Variants in TPRG1 observed in about 807,000 individuals in gnomAD.
TPRG1 encodes tumor protein p63 regulated 1, also known as tumor protein p63-regulated gene 1 protein.
A neutral mutation model predicts 29.3 loss-of-function variants in TPRG1; 29 were observed. The observed-to-expected ratio is 0.99, with a 90% CI of 0.74 to 1.35. TPRG1 has a LOEUF of 1.35. Ranked by LOEUF, TPRG1 falls within the 40% of genes most tolerant of loss-of-function variation. The pLI is 0.00. For synonymous variants in TPRG1, 130 were observed against 116.8 expected, an observed-to-expected ratio of 1.11 and a Z score of -0.73; for missense variants, 327 against 335.0, an observed-to-expected ratio of 0.98 and a Z score of 0.19.
At chr3:189,295,281 G>C (rs1342468929) in intron 4 of TPRG1, among the ~76,000 whole-genome samples, 1 of 152,074 alleles carries the variant, frequency 6.6e-6, no homozygotes, top group Non-Finnish European at 1.5e-5. Flanking sequence ...TGAATGCAGA[G>C]GCATTTCCTT....
chr3:189,299,162 C>T (rs193187152), intron 4 of TPRG1, among the ~76,000 whole-genome samples: 266 of 151,218 alleles, frequency 1.8e-3, no homozygotes, highest in African/African-American at 6.1e-3. Flanking sequence ...AGAGGAGAGA[C>T]AAAAATTTAC....
chr3:189,262,914 G>A (rs991907381), intron 4 of TPRG1, among the ~76,000 whole-genome samples: 1 of 152,244 alleles, frequency 6.6e-6, no homozygotes, highest in Admixed American at 6.5e-5. Context: ...TGCCATGTGG[G>A]CCTTTCCGTG....
intron 3 of TPRG1, among the ~76,000 whole-genome samples, chr3:189,147,159 G>A (rs1457494662): frequency 6.6e-6 from 1 of 152,212 alleles, no homozygotes; most frequent in African/African-American, 2.4e-5. Context: ...ATCTACAGAA[G>A]GAAGAGGAGG....
intron 3 of TPRG1, among the ~76,000 whole-genome samples, chr3:189,233,602 C>T (rs946713973): frequency 9.9e-5 from 15 of 152,256 alleles, no homozygotes; most frequent in Admixed American, 2.6e-4. Context: ...CCAGGGAAGA[C>T]GGGCTCTCAC....
intron 4 of TPRG1, among the ~76,000 whole-genome samples, chr3:189,277,156 T>C (rs930100215): frequency 1.3e-5 from 2 of 152,308 alleles, no homozygotes; most frequent in Admixed American, 1.3e-4. Context: ...GCCATGTGGC[T>C]TTCTGCCCAA....
chr3:189,120,207 C>A (rs143744525), intron 1 of TPRG1: 5 of 152,144 alleles, frequency 3.3e-5, no homozygotes, highest in Non-Finnish European at 7.3e-5. Flanking sequence ...GCTTAACTGG[C>A]TCAAAATAGA....
At chr3:189,215,490 CATAAG>C (rs1735933277) in intron 3 of TPRG1, 107 bp downstream of exon 3, 3 of 939,236 alleles carry the variant, frequency 3.2e-6, no homozygotes, top group East Asian at 2.6e-5. Flanking sequence ...CTGGTTGCTA[CATAAG>C]ATAAATGATT....
At chr3:189,162,967 G>A (rs914632469) in intron 5 of TPRG1, among the ~76,000 whole-genome samples, 42 of 152,158 alleles carry the variant, frequency 2.8e-4, no homozygotes, top group Non-Finnish European at 1.3e-4. Context: ...TAAAACACAA[G>A]TTGATTTAAC....
At chr3:189,198,719 C>T (rs1732969399) in intron 1 of TPRG1, among the ~76,000 whole-genome samples, 1 of 152,164 alleles carries the variant, frequency 6.6e-6, no homozygotes. Flanking sequence ...ACAGTTCCTG[C>T]TCTGGAATTG....
rs1722330792 is a variant in TPRG1 at position 189,310,617 on chromosome 3, A to T, written c.633+78A>T. 4.1e-6 allele frequency: 3 copies of T among 738,424 alleles called. No individual in the cohort carries two copies. In the African/African-American group the frequency reaches 6.5e-5, roughly 16 times the overall value. 45.7% of individuals were successfully genotyped at this position (738,424 alleles called of 1,614,324 possible). A position where few individuals can be genotyped will look rare whatever the true frequency, so the allele number is the denominator to read the frequency against. On this transcript the variant is annotated intron_variant, in intron 5 of 5. Coordinates refer to ENST00000345063, the MANE Select transcript of TPRG1 (RefSeq NM_198485.4). ...GTGCTTCTAGGGACGTGTACTCCTA[A>T]ACAAAACAAAATAAAATAAAATAAA...
intron 1 of TPRG1, among the ~76,000 whole-genome samples, chr3:189,119,441 G>A (rs984490977): frequency 3.3e-5 from 5 of 152,202 alleles, no homozygotes; most frequent in African/African-American, 7.2e-5. Flanking sequence ...GACTGTTGGA[G>A]GGGCACGATT....
At chr3:189,124,666 C>T (rs946380286) in intron 1 of TPRG1, among the ~76,000 whole-genome samples, 36 of 152,154 alleles carry the variant, frequency 2.4e-4, no homozygotes, top group Admixed American at 1.8e-3. Context: ...ATGTCCTCTC[C>T]ACTTTATGTA....
intron 4 of TPRG1, among the ~76,000 whole-genome samples, chr3:189,071,839 G>A (rs1050706263): frequency 6.6e-6 from 1 of 152,176 alleles, no homozygotes; most frequent in Non-Finnish European, 1.5e-5. Context: ...TAGCTTGTGT[G>A]TTCACTTCAA....
At chr3:189,223,298 G>T (rs1352332214) in intron 3 of TPRG1, among the ~76,000 whole-genome samples, 1 of 152,190 alleles carries the variant, frequency 6.6e-6, no homozygotes, top group Non-Finnish European at 1.5e-5. Flanking sequence ...AGCCCAGTAA[G>T]ACTTGCCTCT....
Position 189,203,021 on chromosome 3 carries a change from T to C in TPRG1, c.-9-4355T>C, listed in dbSNP as rs1403408208. ...TGCATGTTTTCATTCTATGGAGCTGTGTGGCCATGGACAACCCTCATTTCA... is the reference window on the plus strand; with the variant it reads ...TGCATGTTTTCATTCTATGGAGCTGCGTGGCCATGGACAACCCTCATTTCA... On this transcript the variant is annotated intron_variant, in intron 1 of 5. Transcript: ENST00000345063. 2.6e-5 allele frequency among the ~76,000 whole-genome samples: 4 copies of C among 152,316 alleles called. No individual in the cohort carries two copies. In the East Asian group the frequency reaches 7.7e-4, roughly 29 times the overall value.
At chr3:189,057,749 CAT>C (rs370520919) in intron 4 of TPRG1, among the ~76,000 whole-genome samples, 3,196 of 141,764 alleles carry the variant, frequency 0.023, 115 homozygotes, top group African/African-American at 0.077. Flanking sequence ...TATATATATA[CAT>C]ATATATATAT....
intron 5 of TPRG1, among the ~76,000 whole-genome samples, chr3:189,314,768 T>C (rs970298623): frequency 6.6e-6 from 1 of 152,220 alleles, no homozygotes; most frequent in African/African-American, 2.4e-5. Flanking sequence ...TATTTTCATG[T>C]AATTCAACTA....
chr3:189,215,612 A>AC (rs1312350785), intron 3 of TPRG1, among the ~76,000 whole-genome samples: 1 of 152,036 alleles, frequency 6.6e-6, no homozygotes, highest in Non-Finnish European at 1.5e-5. Context: ...AACCATCACT[A>AC]CGTCTACCTT....
At chr3:189,239,751 A>G (rs893579797) in intron 4 of TPRG1, among the ~76,000 whole-genome samples, 3 of 152,180 alleles carry the variant, frequency 2.0e-5, no homozygotes, top group African/African-American at 7.2e-5. Context: ...CTCTTCTTAT[A>G]AAATGTCTCT....
Sources: allele counts gnomAD v4.1 joint callset (sites outside exome capture counted in the v4.1 genomes callset), GRCh38; gene constraint gnomAD v4.1.1; transcripts MANE v1.5; gene names NCBI Gene and HGNC (gene_info 2026-07-23, HGNC 2026-07-21).